The following PKIB variants were observed in gnomAD, a reference collection of about 807,000 sequenced individuals.
PKIB encodes the protein PKI-beta.
A neutral mutation model predicts 4.5 loss-of-function variants in PKIB; 2 were observed. That is an observed-to-expected ratio of 0.44 (90% confidence interval 0.18 to 1.39). The LOEUF (loss-of-function observed/expected upper bound fraction) is 1.39. Ranked by LOEUF, PKIB falls within the 40% of genes most tolerant of loss-of-function variation. PKIB has a pLI of 0.27. For synonymous variants in PKIB, 38 were observed against 36.0 expected, an observed-to-expected ratio of 1.06 and a Z score of -0.20; for missense variants, 94 against 92.6, an observed-to-expected ratio of 1.02 and a Z score of -0.06.
At chr6:122,681,012 C>T (rs1777878368) in intron 3 of PKIB, among the ~76,000 whole-genome samples, 1 of 152,110 alleles carries the variant, frequency 6.6e-6, no homozygotes, top group Non-Finnish European at 1.5e-5. Context: ...CACTGACCTT[C>T]CTTCAGTTCC....
intron 2 of PKIB, among the ~76,000 whole-genome samples, chr6:122,544,457 A>G (rs932003885): frequency 4.6e-5 from 7 of 152,054 alleles, no homozygotes; most frequent in African/African-American, 1.5e-4. Flanking sequence ...AAAATATGCA[A>G]ATTATCTCCC....
intron 2 of PKIB, among the ~76,000 whole-genome samples, chr6:122,576,689 A>AAAAAAAAAAT (rs1345822382): frequency 2.0e-4 from 7 of 34,308 alleles, no homozygotes; most frequent in African/African-American, 2.6e-4. Context: ...AAAAAAAAAA[A>AAAAAAAAAAT]ATATATATAT....
intron 2 of PKIB, among the ~76,000 whole-genome samples, chr6:122,536,364 T>C (rs1190398987): frequency 4.6e-5 from 7 of 152,224 alleles, no homozygotes; most frequent in Admixed American, 4.6e-4. Flanking sequence ...TCAAATATAA[T>C]TGGTAATCAG....
intron 3 of PKIB, among the ~76,000 whole-genome samples, chr6:122,587,975 C>T (rs1372540848): frequency 6.6e-6 from 1 of 152,006 alleles, no homozygotes; most frequent in Non-Finnish European, 1.5e-5. Context: ...CTGTAGGTTA[C>T]CTGTTCACTC....
chr6:122,714,180 G>A (rs1328222271), intron 3 of PKIB, among the ~76,000 whole-genome samples: 2 of 152,134 alleles, frequency 1.3e-5, no homozygotes, highest in Admixed American at 6.5e-5. Context: ...GCTTTTCTCT[G>A]TAGAAAGTGC....
At chr6:122,540,574 A>G (rs1163322002) in intron 2 of PKIB, among the ~76,000 whole-genome samples, 1 of 151,686 alleles carries the variant, frequency 6.6e-6, no homozygotes, top group Admixed American at 6.6e-5. Context: ...GTTCTTTTAC[A>G]TTTGCTGAGG....
chr6:122,494,658 G>C (rs534472655), intron 2 of PKIB, among the ~76,000 whole-genome samples: 1 of 152,254 alleles, frequency 6.6e-6, no homozygotes, highest in African/African-American at 2.4e-5. Flanking sequence ...AGAGAAACAG[G>C]GTAGAGAGTA....
At chr6:122,705,841 G>A (rs185274292) in intron 3 of PKIB, among the ~76,000 whole-genome samples, 112 of 152,108 alleles carry the variant, frequency 7.4e-4, no homozygotes, top group African/African-American at 2.6e-3. Flanking sequence ...CTGGGATTAC[G>A]GCATGAGCCA....
intron 3 of PKIB, among the ~76,000 whole-genome samples, chr6:122,689,164 T>C (rs1437879788): frequency 6.6e-6 from 1 of 152,160 alleles, no homozygotes; most frequent in African/African-American, 2.4e-5. Context: ...TCTCTTTTTT[T>C]CTTAGTCTGG....
At chr6:122,613,098 A>G (rs1232799079) in intron 1 of PKIB, among the ~76,000 whole-genome samples, 1 of 152,178 alleles carries the variant, frequency 6.6e-6, no homozygotes, top group African/African-American at 2.4e-5. Flanking sequence ...ATGCTAAATG[A>G]GCATGAATCA....
intron 1 of PKIB, among the ~76,000 whole-genome samples, chr6:122,629,503 C>T (rs766215397): frequency 1.3e-5 from 2 of 152,050 alleles, no homozygotes; most frequent in African/African-American, 2.4e-5. Flanking sequence ...ACACAACATC[C>T]TCAAAGAGGT....
chr6:122,471,934 A>C (rs1247012215), exon 1 of PKIB: 4 of 1,222,216 alleles, frequency 3.3e-6, no homozygotes, highest in Non-Finnish European at 4.4e-6. Context: ...CATGCGCGTC[A>C]CTAGACGACA....
chr6:122,607,668 T>C (rs1026878124), upstream of PKIB, among the ~76,000 whole-genome samples: 2 of 152,226 alleles, frequency 1.3e-5, no homozygotes, highest in Admixed American at 1.3e-4. Flanking sequence ...ATTTACACAA[T>C]GCTTTCTCCA....
intron 2 of PKIB, among the ~76,000 whole-genome samples, chr6:122,527,734 T>C (rs1777135889): frequency 6.6e-6 from 1 of 152,158 alleles, no homozygotes; most frequent in Non-Finnish European, 1.5e-5. Context: ...GTTGAAATAT[T>C]GTGAGAATTA....
intron 2 of PKIB, among the ~76,000 whole-genome samples, chr6:122,512,478 A>T (rs1776614924): frequency 6.6e-6 from 1 of 152,298 alleles, no homozygotes; most frequent in Admixed American, 6.5e-5. Context: ...AAATAAATGG[A>T]TTTAACATTT....
At chr6:122,670,207 T>C (rs112015707) in intron 2 of PKIB, among the ~76,000 whole-genome samples, 4 of 152,160 alleles carry the variant, frequency 2.6e-5, no homozygotes, top group African/African-American at 9.6e-5. Context: ...TAGCCATATT[T>C]AATGAAGAAA....
rs142777957 is a variant in PKIB at position 122,616,606 on chromosome 6, T to C, written c.-161+6071T>C. On this transcript the variant is annotated intron_variant, in intron 1 of 4. Coordinates refer to ENST00000368452, the MANE Select transcript of PKIB (RefSeq NM_181795.3). The stretch of plus-strand genomic sequence containing the variant: ...GTATAGAAAAGACAATTTATGGAGC[T>C]GCTTTCCAATAAAGGGGATTGGGTT... Among the ~76,000 whole-genome samples the C allele has an allele frequency of 1.1e-4, 17 of 152,278 alleles. No individual in the cohort carries two copies. The East Asian group carries it at 3.3e-3, about 29-fold the overall frequency.
intron 2 of PKIB, among the ~76,000 whole-genome samples, chr6:122,511,714 T>G (rs768426030): frequency 5.9e-5 from 9 of 152,192 alleles, no homozygotes; most frequent in African/African-American, 2.2e-4. Context: ...TACAATCACT[T>G]AGATCTAAGA....
chr6:122,487,015 CATAA>C (rs1775787778), intron 2 of PKIB, among the ~76,000 whole-genome samples: 1 of 152,056 alleles, frequency 6.6e-6, no homozygotes, highest in African/African-American at 2.4e-5. Flanking sequence ...CATGTAACTA[CATAA>C]ATATTTATTT....
Sources: allele counts gnomAD v4.1 joint callset (sites outside exome capture counted in the v4.1 genomes callset), GRCh38; gene constraint gnomAD v4.1.1; transcripts MANE v1.5; gene names NCBI Gene and HGNC (gene_info 2026-07-23, HGNC 2026-07-21).